The following ITGB4 variants were observed in gnomAD, a reference collection of about 807,000 sequenced individuals.
ITGB4 encodes integrin beta-4.
ITGB4 carries 159 observed loss-of-function variants against 207.6 expected under a neutral mutation model. The observed-to-expected ratio is 0.77, with a 90% CI of 0.67 to 0.87. ITGB4 has a LOEUF of 0.87. Among genes scored for constraint, ITGB4 ranks in the 40% least tolerant of loss-of-function variants. ITGB4 has a pLI of 0.00. For missense variants in ITGB4, 2,278 were observed against 2,546.8 expected (o/e 0.89, Z 2.27); for synonymous variants, 1,020 against 1,062.7 (o/e 0.96, Z 0.78).
intron 30 of ITGB4, chr17:75,751,890 C>T (rs1357670757): frequency 5.9e-6 from 3 of 504,762 alleles, no homozygotes; most frequent in Non-Finnish European, 1.1e-5. Flanking sequence ...TGTGGAGGCA[C>T]CGTGGATATA....
Position 75,736,321 on chromosome 17 carries a change from G to A in ITGB4, c.1795G>A (p.Gly599Ser), listed in dbSNP as rs1037320057. 1.2e-6 allele frequency: 2 copies of A among 1,613,312 alleles called. No homozygotes were observed. The highest frequency in any genetic ancestry group is 1.3e-5 in the African/African-American group (1 of 74,740). ...TAATGGACGTGGCCACTGTGAGTGT[G>A]GCCGCTGCCACTGCCACCAGCAGTC... ...ICNGRGHCEC[G>S]RCHCHQQSLY... Residue 599 changes from glycine to serine, a missense_variant, in exon 15 of 40, where the codon GGC becomes AGC. Physicochemically the swap from Gly to Ser is moderately conservative, Grantham distance 56. Coordinates refer to ENST00000200181, the MANE Select transcript of ITGB4 (RefSeq NM_000213.5).
chr17:75,750,845 C>G lies in ITGB4; in HGVS notation c.3640C>G (p.Arg1214Gly). 6.2e-7 allele frequency: 1 copy of G among 1,613,364 alleles called. No homozygotes were observed. Among genetic ancestry groups the G allele is most frequent in the Non-Finnish European group, 8.5e-7 (1 of 1,180,004 alleles). The change falls in exon 29 of 40, where the codon CGC becomes GGC. Residue 1214 changes from arginine (R) to glycine (G), a missense_variant. Coordinates refer to ENST00000200181, the MANE Select transcript of ITGB4 (RefSeq NM_000213.5). This position sits in a 1 kb window ranked among gnomAD's most constrained non-coding sequence, Gnocchi z 5.5. ...EGPYSSLVSCRTHQEVPSEPG... is the reference protein window; with the variant it reads ...EGPYSSLVSCGTHQEVPSEPG... ...ACCCTACAGCTCCCTGGTGTCCTGC[C>G]GCACCCACCAGGAAGGTGAGGCCTC...
intron 30 of ITGB4, chr17:75,751,721 A>G (rs10401061): frequency 0.014 from 3,330 of 234,026 alleles, 35 homozygotes; most frequent in Middle Eastern, 0.022. Context: ...AGACAGGGTG[A>G]CAGAGCCAGA....
chr17:75,731,834 G>A lies in ITGB4; in HGVS notation c.1238G>A (p.Arg413Gln), dbSNP rs1353320833. 1.6e-5 allele frequency: 25 copies of A among 1,606,954 alleles called. No homozygotes were observed. Among genetic ancestry groups the A allele is most frequent in the South Asian group, 2.2e-5 (2 of 90,028 alleles). The change falls in exon 11 of 40, where the codon CGG (arginine) becomes CAG (glutamine). Residue 413 changes from arginine (R) to glutamine (Q), a missense_variant. Coordinates refer to ENST00000200181, the MANE Select transcript of ITGB4 (RefSeq NM_000213.5). This position sits in a 1 kb window ranked among gnomAD's most constrained non-coding sequence, Gnocchi z 6.8. The part of the protein sequence containing the change: ...GEVGIYQVQL[R>Q]ALEHVDGTHV... The stretch of plus-strand genomic sequence containing the variant: ...CAGGGTATATACCAGGTGCAGCTGC[G>A]GGCCCTTGAGCACGTGGATGGGACG...
rs2060755557 is a variant in ITGB4, at chr17:75,727,817, A to G, written c.431A>G (p.Asp144Gly). ...ILMDFSNSMS[D>G]DLDNLKKMGQ... ...ATGGACTTCTCCAACTCCATGTCCGATGATCTGGACAACCTCAAGAAGATG... is the reference window on the plus strand; with the variant it reads ...ATGGACTTCTCCAACTCCATGTCCGGTGATCTGGACAACCTCAAGAAGATG... The change falls in exon 5 of 40, where the codon GAT becomes GGT. Residue 144 changes from aspartate (D) to glycine (G), a missense_variant. Asp to Gly is a moderately conservative substitution (Grantham distance 94, BLOSUM62 -1). Coordinates refer to ENST00000200181, the MANE Select transcript of ITGB4 (RefSeq NM_000213.5). The surrounding 1 kb of genome is among the most constrained non-coding windows in gnomAD (Gnocchi z 6.0). 1 of 1,613,826 alleles carries G rather than the reference A, an allele frequency of 6.2e-7. No individual in the cohort carries two copies. The highest frequency in any genetic ancestry group is 1.3e-5 in the African/African-American group (1 of 74,890).
Position 75,724,750 on chromosome 17 carries a change from C to A in ITGB4, c.47C>A (p.Ala16Asp). Residue 16 changes from alanine (A) to aspartate (D), a missense_variant, in exon 2 of 40, where the codon GCC (alanine) becomes GAC (aspartate). Physicochemically the swap from Ala to Asp is moderately radical, Grantham distance 126. Transcript: ENST00000200181. ...PSPWARLLLA[A>D]LISVSLSGTL... is the part of the protein sequence containing the mutation. ...CCATGGGCCAGGCTGCTCCTGGCAG[C>A]CTTGATCAGCGTCAGCCTCTCTGGG... is the stretch of plus-strand genomic sequence containing the variant. 6.2e-7 allele frequency: 1 copy of A among 1,613,752 alleles called. No individual in the cohort carries two copies. Among genetic ancestry groups the A allele is most frequent in the Non-Finnish European group, 8.5e-7 (1 of 1,180,024 alleles).
chr17:75,757,062 G>C lies in ITGB4; in HGVS notation c.5173G>C (p.Gly1725Arg). 3 of 1,612,840 alleles carry C rather than the reference G, an allele frequency of 1.9e-6. No individual in the cohort carries two copies. The highest frequency in any genetic ancestry group is 2.2e-5 in the East Asian group (1 of 44,860). Residue 1725 changes from glycine (G) to arginine (R), a missense_variant, in exon 38 of 40, where the codon GGG becomes CGG. By Grantham distance (125) the Gly-to-Arg change is moderately radical. Transcript: ENST00000200181. Reference sequence around the variant, plus strand: ...GCAGGCCAGGACCACTGAGGGCTTCGGGCCAGAGCGCGAGGGCATCATCAC... The same window carrying C: ...GCAGGCCAGGACCACTGAGGGCTTCCGGCCAGAGCGCGAGGGCATCATCAC... ...KVQARTTEGF[G>R]PEREGIITIE...
chr17:75,725,249 C>T (rs1003700516), intron 2 of ITGB4, among the ~76,000 whole-genome samples: 4 of 152,218 alleles, frequency 2.6e-5, no homozygotes, highest in African/African-American at 9.6e-5. Context: ...AATGTTTACA[C>T]CACAGAAATT....
At position 75,756,795 on chromosome 17, in the gene ITGB4, G is replaced by A. The variant is rs906375343; in HGVS notation, c.4989G>A (p.Arg1663=). 1.9e-6 allele frequency: 3 copies of A among 1,612,528 alleles called. No individual in the cohort carries two copies. The highest frequency in any genetic ancestry group is 1.7e-5 in the Admixed American group (1 of 60,008). The change falls in exon 37 of 40, where the codon CGG becomes CGA. Residue 1663 remains arginine, a synonymous_variant. Coordinates refer to ENST00000200181, the MANE Select transcript of ITGB4 (RefSeq NM_000213.5). ...SPDSLQLSWE[R]PRRPNGDIVG... is the part of the protein sequence containing the mutation. Reference sequence around the variant, plus strand: ...ACTCGCTGCAGCTGAGCTGGGAGCGGCCACGGAGGCCCAATGGGGATATCG... The same window carrying A: ...ACTCGCTGCAGCTGAGCTGGGAGCGACCACGGAGGCCCAATGGGGATATCG...
chr17:75,756,656 T>C (rs750819199), intron 36 of ITGB4, 39 bp downstream of exon 36: 14 of 1,612,818 alleles, frequency 8.7e-6, no homozygotes, highest in Middle Eastern at 1.6e-4. Flanking sequence ...GCCCCCATCA[T>C]GCCCACCACC....
Position 75,757,663 on chromosome 17 carries a change from C to A in ITGB4, c.*108C>A. 6.8e-7 allele frequency: 1 copy of A among 1,471,194 alleles called. No individual in the cohort carries two copies. Among genetic ancestry groups the A allele is most frequent in the Non-Finnish European group, 9.5e-7 (1 of 1,055,266 alleles). 91.1% of individuals were successfully genotyped at this position (1,471,194 alleles called of 1,614,324 possible). A position where few individuals can be genotyped will look rare whatever the true frequency, so the allele number is the denominator to read the frequency against. ...TGCACCCCTGGGGGCCCAGCCCACC[C>A]GCATGCACAGAGCAGGGGCTAGGTG... On this transcript the variant is annotated 3_prime_UTR_variant, in exon 40 of 40. Transcript: ENST00000200181.
At position 75,754,580 on chromosome 17, in the gene ITGB4, C is replaced by T. The variant is rs767479365; in HGVS notation, c.4323C>T (p.His1441=). ...GACCCTGCTCTCCCCCTGCAGAGCA[C>T]CTGGTGAATGGCCGGATGGACTTTG... is the stretch of plus-strand genomic sequence containing the variant. ...RSATPGPPGE[H]LVNGRMDFAF... Residue 1441 remains histidine (H), a synonymous_variant, in exon 34 of 40, where the codon CAC becomes CAT. Transcript: ENST00000200181. The T allele has an allele frequency of 8.7e-6, 14 of 1,613,552 alleles. No individual in the cohort carries two copies. The South Asian group carries it at 1.4e-4, about 16-fold the overall frequency.
intron 18 of ITGB4, among the ~76,000 whole-genome samples, chr17:75,738,133 G>C (rs979295744): frequency 1.3e-5 from 2 of 152,144 alleles, no homozygotes; most frequent in Non-Finnish European, 2.9e-5. Context: ...TCAGAAAGTG[G>C]AGCTGAAGCT....
intron 27 of ITGB4, among the ~76,000 whole-genome samples, chr17:75,749,453 A>G (rs1247893414): frequency 6.6e-6 from 1 of 152,130 alleles, no homozygotes; most frequent in Non-Finnish European, 1.5e-5. Context: ...ACTTGAGCCC[A>G]GGGGGTCTGG....
chr17:75,740,499 G>T lies in ITGB4; in HGVS notation c.2550+38G>T, dbSNP rs2143086691. ...GAACTAGGCCTGGCCGGAGATGTGG[G>T]TATGAGGGCGGGTGAGGTGGGCAGG... On this transcript the variant is annotated intron_variant, in intron 21 of 39. Transcript: ENST00000200181. The surrounding 1 kb of genome is among the most constrained non-coding windows in gnomAD (Gnocchi z 5.9). 6.0e-6 allele frequency: 9 copies of T among 1,491,214 alleles called. No individual in the cohort carries two copies. Among genetic ancestry groups the T allele is most frequent in the Non-Finnish European group, 6.5e-6 (7 of 1,070,002 alleles). The allele number at this position is 1,491,214 out of a possible 1,614,324, so 92.4% of individuals were successfully genotyped here.
chr17:75,754,403 G>T, intron 33 of ITGB4, 173 bp from the exon 34 acceptor site: 1 of 737,306 alleles, frequency 1.4e-6, no homozygotes, highest in Non-Finnish European at 2.2e-6. Context: ...GGTGGCCCTT[G>T]GGCTCCTGCA....
rs1448839951 is a variant in ITGB4, at chr17:75,756,439, T to A, written c.4719T>A (p.His1573Gln). ...ACCTGATCCCCCCAGGTGAGCTGCA[T>A]CGGCTCAACATCCCCAACCCTGCCC... ...EYQLLNGGEL[H>Q]RLNIPNPAQT... Residue 1573 changes from histidine (H) to glutamine (Q), a missense_variant, in exon 36 of 40, where the codon CAT (histidine) becomes CAA (glutamine). By Grantham distance (24) the His-to-Gln change is conservative. Coordinates refer to ENST00000200181, the MANE Select transcript of ITGB4 (RefSeq NM_000213.5). 6.2e-7 allele frequency: 1 copy of A among 1,613,104 alleles called. No homozygotes were observed. Among genetic ancestry groups the A allele is most frequent in the Non-Finnish European group, 8.5e-7 (1 of 1,179,934 alleles).
In ITGB4 at chr17:75,728,406, T is replaced by A; in HGVS notation, c.499T>A (p.Tyr167Asn). The A allele has an allele frequency of 6.2e-7, 1 of 1,614,066 alleles. No individual in the cohort carries two copies. Among genetic ancestry groups the A allele is most frequent in the Non-Finnish European group, 8.5e-7 (1 of 1,180,020 alleles). The stretch of plus-strand genomic sequence containing the variant: ...GGTCCTGAGCCAGCTCACCAGCGAC[T>A]ACACTATTGGATTTGGCAAGTTTGT... The part of the protein sequence containing the change: ...ARVLSQLTSD[Y>N]TIGFGKFVDK... The change falls in exon 6 of 40, where the codon TAC becomes AAC. Residue 167 changes from tyrosine to asparagine, a missense_variant. Coordinates refer to ENST00000200181, the MANE Select transcript of ITGB4 (RefSeq NM_000213.5).
chr17:75,757,520 A>G lies in ITGB4; in HGVS notation c.5434A>G (p.Ser1812Gly), dbSNP rs755224034. The G allele has an allele frequency of 1.7e-5, 28 of 1,613,200 alleles. No homozygotes were observed. In the East Asian group the frequency reaches 5.3e-4, roughly 31 times the overall value. ...GACACTGACCACCAGCGGAACCCTT[A>G]GCACCCACATGGACCAACAGTTCTT... Reference protein sequence around the residue: ...SRTLTTSGTLSTHMDQQFFQT With the variant: ...SRTLTTSGTLGTHMDQQFFQT Residue 1812 changes from serine to glycine, a missense_variant, in exon 40 of 40, where the codon AGC becomes GGC. Coordinates refer to ENST00000200181, the MANE Select transcript of ITGB4 (RefSeq NM_000213.5).
Sources: allele counts gnomAD v4.1 joint callset (sites outside exome capture counted in the v4.1 genomes callset), GRCh38; gene constraint gnomAD v4.1.1; non-coding constraint Gnocchi (gnomAD v3.1); transcripts MANE v1.5; gene names NCBI Gene and HGNC (gene_info 2026-07-23, HGNC 2026-07-21).